ADAM10: variants seen among roughly 807,000 people sequenced by gnomAD.
The protein encoded by ADAM10 is ADAM metallopeptidase domain 10.
A neutral mutation model predicts 90.1 loss-of-function variants in ADAM10; 17 were observed. The ratio of observed to expected loss-of-function variants is 0.19; its 90% confidence interval spans 0.13 to 0.28. The LOEUF (loss-of-function observed/expected upper bound fraction) is 0.28, where lower values mean the gene tolerates loss of function less well. ADAM10 is among the 10% of genes least tolerant of loss of function. ADAM10 has a pLI of 1.00. For missense variants in ADAM10, 610 were observed against 914.3 expected, an observed-to-expected ratio of 0.67 and a Z score of 4.29; for synonymous variants, 310 against 298.6, an observed-to-expected ratio of 1.04 and a Z score of -0.40.
At chr15:58,657,216 G>C (rs1208644147) in intron 5 of ADAM10, among the ~76,000 whole-genome samples, 1 of 151,958 alleles carries the variant, frequency 6.6e-6, no homozygotes, top group East Asian at 1.9e-4. Context: ...TCTTACACTT[G>C]AATGTTGATA....
intron 8 of ADAM10, among the ~76,000 whole-genome samples, chr15:58,635,356 C>A (rs1205254168): frequency 1.3e-5 from 2 of 151,482 alleles, no homozygotes; most frequent in African/African-American, 4.8e-5. Context: ...CTCTGCCCAC[C>A]TCAGGTGATG....
intron 10 of ADAM10, among the ~76,000 whole-genome samples, chr15:58,624,423 G>A (rs553248840): frequency 2.3e-4 from 35 of 152,126 alleles, no homozygotes; most frequent in Non-Finnish European, 4.7e-4. Context: ...AACAAATAAC[G>A]AAGTCAGAAA....
At position 58,591,951 on chromosome 15, in the gene ADAM10, A is replaced by G. The variant is rs1472406677; in HGVS notation, c.*5596T>C. The G allele has an allele frequency of 6.6e-6, 1 of 152,220 alleles. No homozygotes were observed. Among genetic ancestry groups the G allele is most frequent in the African/African-American group, 2.4e-5 (1 of 41,450 alleles). The allele number at this position is 152,220 out of a possible 1,614,324, so 9.4% of individuals were successfully genotyped here. A position where few individuals can be genotyped will look rare whatever the true frequency, so the allele number is the denominator to read the frequency against. ...ATTGTCTTGATAGATGTAGCTCTTA[A>G]GTCTCCTTTAACCCATCGTTGTCTT... On this transcript the variant is annotated 3_prime_UTR_variant, in exon 16 of 16. Coordinates refer to ENST00000260408, the MANE Select transcript of ADAM10 (RefSeq NM_001110.4).
At chr15:58,662,114 T>C (rs1356284788) in intron 5 of ADAM10, among the ~76,000 whole-genome samples, 1 of 152,242 alleles carries the variant, frequency 6.6e-6, no homozygotes, top group African/African-American at 2.4e-5. Context: ...AGTAATGTTC[T>C]TTGAATGCTG....
At position 58,597,364 on chromosome 15, in the gene ADAM10, T is replaced by C. The variant is rs1365958024; in HGVS notation, c.*183A>G. 4.5e-6 allele frequency: 7 copies of C among 1,541,784 alleles called. No individual in the cohort carries two copies. Among genetic ancestry groups the C allele is most frequent in the Admixed American group, 2.0e-5 (1 of 49,826 alleles). ...TCCTTTTCCACCTCCCACCCCCAAA[T>C]TGGAATTTTCAGGCTTTAAAATTTA... On this transcript the variant is annotated 3_prime_UTR_variant, in exon 16 of 16. Coordinates refer to ENST00000260408, the MANE Select transcript of ADAM10 (RefSeq NM_001110.4).
chr15:58,611,329 T>C (rs1222214412), intron 12 of ADAM10: 2 of 518,048 alleles, frequency 3.9e-6, no homozygotes, highest in Non-Finnish European at 6.8e-6. Flanking sequence ...TTTAAAGCAA[T>C]GGCAACTTAA....
chr15:58,664,073 C>A (rs1386590267), intron 5 of ADAM10, among the ~76,000 whole-genome samples: 1 of 152,026 alleles, frequency 6.6e-6, no homozygotes, highest in Non-Finnish European at 1.5e-5. Context: ...GTTAAAAATT[C>A]TTTACTGATC....
At chr15:58,632,345 T>C (rs578148662) in intron 9 of ADAM10, among the ~76,000 whole-genome samples, 11 of 152,344 alleles carry the variant, frequency 7.2e-5, no homozygotes, top group South Asian at 2.1e-4. Context: ...TAAGGATAGA[T>C]AGAGTTCCTT....
chr15:58,710,122 A>G (rs1265428528), intron 2 of ADAM10, among the ~76,000 whole-genome samples: 1 of 152,094 alleles, frequency 6.6e-6, no homozygotes, highest in Non-Finnish European at 1.5e-5. Flanking sequence ...TACTAAAAAT[A>G]CAAAAATTTA....
intron 4 of ADAM10, among the ~76,000 whole-genome samples, chr15:58,668,528 C>A (rs563715976): frequency 2.0e-5 from 3 of 152,200 alleles, no homozygotes; most frequent in Non-Finnish European, 4.4e-5. Flanking sequence ...CTCCTGTGAT[C>A]ACAGATTCTC....
chr15:58,628,343 A>G (rs1896005809), intron 9 of ADAM10, among the ~76,000 whole-genome samples: 1 of 152,200 alleles, frequency 6.6e-6, no homozygotes, highest in African/African-American at 2.4e-5. Context: ...ACAGAACAGG[A>G]ATCTAAGACA....
At chr15:58,740,116 G>A (rs1202737204) in intron 1 of ADAM10, among the ~76,000 whole-genome samples, 1 of 151,138 alleles carries the variant, frequency 6.6e-6, no homozygotes, top group African/African-American at 2.5e-5. Flanking sequence ...TTGAAATAAA[G>A]AACAGCAATA....
At chr15:58,720,265 C>T (rs779837457) in intron 1 of ADAM10, among the ~76,000 whole-genome samples, 1 of 152,140 alleles carries the variant, frequency 6.6e-6, no homozygotes, top group African/African-American at 2.4e-5. Flanking sequence ...ACACACTCCT[C>T]CCAAGAGAGG....
rs1322483317 is a variant in ADAM10 at position 58,593,032 on chromosome 15, G to C, written c.*4515C>G. On this transcript the variant is annotated 3_prime_UTR_variant, in exon 16 of 16. Coordinates refer to ENST00000260408, the MANE Select transcript of ADAM10 (RefSeq NM_001110.4). ...TACATCCACAGAAATATTTAGAGTA[G>C]TTAATGTGATATACATTATCAATGT... 6.7e-6 allele frequency: 1 copy of C among 148,996 alleles called. No individual in the cohort carries two copies. Among genetic ancestry groups the C allele is most frequent in the Non-Finnish European group, 1.5e-5 (1 of 67,542 alleles). 9.2% of individuals were successfully genotyped at this position (148,996 alleles called of 1,614,324 possible).
At chr15:58,612,020 A>G in intron 11 of ADAM10, 29 bp from the exon 12 acceptor site, 1 of 1,585,564 alleles carries the variant, frequency 6.3e-7, no homozygotes, top group Non-Finnish European at 8.7e-7. Context: ...GATTAAACAA[A>G]GTAAATCACT....
chr15:58,714,688 T>C (rs1244710369), intron 2 of ADAM10, among the ~76,000 whole-genome samples: 3 of 151,702 alleles, frequency 2.0e-5, no homozygotes, highest in Non-Finnish European at 4.4e-5. Flanking sequence ...CCAATCTACC[T>C]AAAAATAAAA....
intron 4 of ADAM10, among the ~76,000 whole-genome samples, chr15:58,676,686 T>A (rs1446740733): frequency 6.6e-6 from 1 of 152,126 alleles, no homozygotes; most frequent in East Asian, 1.9e-4. Flanking sequence ...GAGCAGTGGC[T>A]TATACCTGGA....
At chr15:58,738,528 AG>A (rs1464377788) in intron 1 of ADAM10, among the ~76,000 whole-genome samples, 1 of 152,244 alleles carries the variant, frequency 6.6e-6, no homozygotes, top group African/African-American at 2.4e-5. Context: ...TACAAGTTAA[AG>A]TTCAAGATAG....
chr15:58,722,817 G>C (rs1898901106), intron 1 of ADAM10, among the ~76,000 whole-genome samples: 1 of 136,178 alleles, frequency 7.3e-6, no homozygotes, highest in African/African-American at 2.8e-5. Context: ...CTGTAGCCTT[G>C]ACCTCCAGGG....
Sources: gnomAD v4.1 joint callset for allele counts (sites outside exome capture counted in the v4.1 genomes callset) on GRCh38, gnomAD v4.1.1 for gene constraint, MANE v1.5 for transcripts, NCBI Gene and HGNC (gene_info 2026-07-23, HGNC 2026-07-21) for gene names.